The following NAV1 variants were observed in gnomAD, a reference collection of about 807,000 sequenced individuals.
NAV1 encodes the protein pore membrane and/or filament interacting like protein 3.
A neutral mutation model predicts 175.2 loss-of-function variants in NAV1; 18 were observed. The ratio of observed to expected loss-of-function variants is 0.10; its 90% confidence interval spans 0.07 to 0.15. The LOEUF is 0.15. NAV1 is among the 10% of genes least tolerant of loss of function. The pLI, the probability that NAV1 is intolerant of heterozygous loss-of-function variation, is 1.00. For synonymous variants in NAV1, 897 were observed against 978.7 expected (o/e 0.92, Z 1.56); for missense variants, 1,731 against 2,436.6 (o/e 0.71, Z 6.10).
At chr1:201,597,942 G>T (rs770782665) in intron 2 of NAV1, among the ~76,000 whole-genome samples, 30 of 152,216 alleles carry the variant, frequency 2.0e-4, no homozygotes, top group Middle Eastern at 3.2e-3. Flanking sequence ...CCTTGGCCAG[G>T]GAGCAAGGGG....
At chr1:201,642,033 C>T (rs1668772079) in intron 2 of NAV1, among the ~76,000 whole-genome samples, 2 of 147,888 alleles carry the variant, frequency 1.4e-5, no homozygotes, top group African/African-American at 2.5e-5. Flanking sequence ...CTCTTCCTTC[C>T]TCCTTCCTTT....
At chr1:201,794,883 A>AT (rs1474435168) in intron 15 of NAV1, 1 of 301,868 alleles carries the variant, frequency 3.3e-6, no homozygotes, top group Non-Finnish European at 6.3e-6. Context: ...TTACATTTTT[A>AT]TGCAAATGTG....
chr1:201,792,146 A>AC (rs1156309151), intron 13 of NAV1: 2 of 151,888 alleles, frequency 1.3e-5, no homozygotes, highest in Admixed American at 1.3e-4. Flanking sequence ...CAAACTAAAC[A>AC]CCCAGACACG....
At chr1:201,563,608 G>A (rs1666269835) in intron 1 of NAV1, among the ~76,000 whole-genome samples, 1 of 152,062 alleles carries the variant, frequency 6.6e-6, no homozygotes, top group South Asian at 2.1e-4. Context: ...GGGGCCCTTT[G>A]GCTAACACCC....
In NAV1 at chr1:201,793,604, C is replaced by T. The variant is rs148145081; in HGVS notation, c.3322-188C>T. 8 of 576,088 alleles carry T rather than the reference C, an allele frequency of 1.4e-5. No homozygotes were observed. In the African/African-American group the frequency reaches 1.5e-4, roughly 11 times the overall value. The allele number at this position is 576,088 out of a possible 1,614,324, so 35.7% of individuals were successfully genotyped here. A position where few individuals can be genotyped will look rare whatever the true frequency, so the allele number is the denominator to read the frequency against. ...TCATTATTCAAGAAGCTGGTTCCCA[C>T]CAGAAAATTTCTTTGATTTCCCCTT... On this transcript the variant is annotated intron_variant, in intron 13 of 29. Transcript: ENST00000367296.
Position 201,814,778 on chromosome 1 carries a change from G to T in NAV1, c.5340+1520G>T, listed in dbSNP as rs182933776. Among the ~76,000 whole-genome samples, 91 of 152,072 alleles carry T rather than the reference G, an allele frequency of 6.0e-4. 1 individual carries two copies. The highest frequency in any genetic ancestry group is 1.4e-3 in the Admixed American group (21 of 15,278). On this transcript the variant is annotated intron_variant, in intron 28 of 29. Transcript: ENST00000367296. ...AAAAAAGCCGGGTGCGGTGGCTCAC[G>T]CCTGTAATCCCAGCACTTTGGGAGG...
chr1:201,756,985 C>T (rs1003041078), intron 3 of NAV1, among the ~76,000 whole-genome samples: 3 of 152,046 alleles, frequency 2.0e-5, no homozygotes, highest in African/African-American at 7.2e-5. Context: ...ATAATAGTGG[C>T]AGGTCTGGCA....
chr1:201,739,980 G>A (rs756934372), intron 3 of NAV1: 4 of 1,442,188 alleles, frequency 2.8e-6, no homozygotes, highest in South Asian at 1.5e-5. Context: ...GTCCTGGGGG[G>A]CGCTGGGTGC....
intron 1 of NAV1, among the ~76,000 whole-genome samples, chr1:201,697,454 C>G (rs1486463856): frequency 6.6e-6 from 1 of 152,182 alleles, no homozygotes; most frequent in African/African-American, 2.4e-5. Flanking sequence ...CTTGCTCATA[C>G]CTTGCCCCCA....
chr1:201,689,686 C>T (rs56078203), intron 1 of NAV1, among the ~76,000 whole-genome samples: 5,668 of 152,216 alleles, frequency 0.037, 137 homozygotes, highest in Non-Finnish European at 0.055. Flanking sequence ...GTCCTGTGGC[C>T]GCCCAAGACC....
chr1:201,644,568 G>T (rs1668912578), upstream of NAV1, among the ~76,000 whole-genome samples: 1 of 152,228 alleles, frequency 6.6e-6, no homozygotes, highest in African/African-American at 2.4e-5. Flanking sequence ...TTTAAAGAAT[G>T]ACAGTGCACA....
intron 2 of NAV1, among the ~76,000 whole-genome samples, chr1:201,630,144 T>C (rs1331532348): frequency 6.6e-6 from 1 of 152,200 alleles, no homozygotes; most frequent in Non-Finnish European, 1.5e-5. Flanking sequence ...TTGGGTACCA[T>C]AGGTCAGGCC....
At chr1:201,551,921 C>T (rs1411157227) in intron 1 of NAV1, among the ~76,000 whole-genome samples, 1 of 152,240 alleles carries the variant, frequency 6.6e-6, no homozygotes, top group Admixed American at 6.5e-5. Flanking sequence ...TCCAGTGTCT[C>T]TCTGTCACTC....
At position 201,779,700 on chromosome 1, in the gene NAV1, A is replaced by G. The variant is rs1447289007; in HGVS notation, c.1227-721A>G. Among the ~76,000 whole-genome samples, 7 of 151,930 alleles carry G rather than the reference A, an allele frequency of 4.6e-5. No individual in the cohort carries two copies. The East Asian group carries it at 1.3e-3, about 29-fold the overall frequency. On this transcript the variant is annotated intron_variant, in intron 3 of 29. Coordinates refer to ENST00000367296, the Ensembl canonical transcript of NAV1. ...AGTAAGTTCACTTAGTGCATGAAGTAGCGTTTTTGGATACAGATGTTTACA... is the reference window on the plus strand; with the variant it reads ...AGTAAGTTCACTTAGTGCATGAAGTGGCGTTTTTGGATACAGATGTTTACA...
Position 201,785,257 on chromosome 1 carries a change from G to C in NAV1, c.2805-53G>C. 3 of 1,584,870 alleles carry C rather than the reference G, an allele frequency of 1.9e-6. No homozygotes were observed. The Admixed American group carries it at 5.3e-5, about 28-fold the overall frequency. On this transcript the variant is annotated intron_variant, in intron 7 of 29. Coordinates refer to ENST00000367296, the Ensembl canonical transcript of NAV1. ...GTCCTAAACTCTAGTTCCTAAGATGGACCCACATGCTTCTCTCTCTCTCTC... is the reference window on the plus strand; with the variant it reads ...GTCCTAAACTCTAGTTCCTAAGATGCACCCACATGCTTCTCTCTCTCTCTC...
chr1:201,701,536 G>C (rs1671425526), intron 1 of NAV1, among the ~76,000 whole-genome samples: 1 of 152,200 alleles, frequency 6.6e-6, no homozygotes, highest in African/African-American at 2.4e-5. Context: ...GCTACGAGCT[G>C]GTGTAATGAT....
intron 2 of NAV1, among the ~76,000 whole-genome samples, chr1:201,643,224 C>A (rs1462725218): frequency 7.2e-6 from 1 of 139,404 alleles, no homozygotes; most frequent in Non-Finnish European, 1.5e-5. Flanking sequence ...CCTTCTCTTC[C>A]CTTTTCTTTC....
At chr1:201,545,735 C>T (rs1571813223) in intron 1 of NAV1, among the ~76,000 whole-genome samples, 1 of 152,328 alleles carries the variant, frequency 6.6e-6, no homozygotes, top group Non-Finnish European at 1.5e-5. Context: ...ATAGACAAAG[C>T]AGATTTTCTT....
At chr1:201,691,933 G>A (rs1488947263) in intron 1 of NAV1, among the ~76,000 whole-genome samples, 1 of 152,228 alleles carries the variant, frequency 6.6e-6, no homozygotes, top group African/African-American at 2.4e-5. Flanking sequence ...TGTCAGAACT[G>A]GGGGCTGCTG....
Sources: gnomAD v4.1 joint callset for allele counts (sites outside exome capture counted in the v4.1 genomes callset) on GRCh38, gnomAD v4.1.1 for gene constraint, MANE v1.5 for transcripts, NCBI Gene and HGNC (gene_info 2026-07-23, HGNC 2026-07-21) for gene names.